RNF19A: variants seen among roughly 807,000 people sequenced by gnomAD.
The protein encoded by RNF19A is E3 ubiquitin-protein ligase RNF19A.
In RNF19A, 32 loss-of-function variants were observed where a neutral mutation model predicts 75.7. That is an observed-to-expected ratio of 0.42 (90% CI 0.32 to 0.57). The LOEUF (loss-of-function observed/expected upper bound fraction) is 0.57, where lower values mean the gene tolerates loss of function less well. RNF19A is among the 20% of genes least tolerant of loss of function. The pLI is 0.10. For missense variants in RNF19A, 782 were observed against 1,036.3 expected (o/e 0.75, Z 3.37); for synonymous variants, 335 against 345.2 (o/e 0.97, Z 0.33).
At chr8:100,262,492 G>C (rs1053410969) in intron 7 of RNF19A, among the ~76,000 whole-genome samples, 8 of 152,110 alleles carry the variant, frequency 5.3e-5, no homozygotes, top group Non-Finnish European at 1.5e-5. Flanking sequence ...GATAATGCTT[G>C]GCACCCTCAA....
At chr8:100,283,372 C>G (rs1353792396) in intron 2 of RNF19A, among the ~76,000 whole-genome samples, 1 of 152,138 alleles carries the variant, frequency 6.6e-6, no homozygotes, top group Non-Finnish European at 1.5e-5. Flanking sequence ...CACTGGGATC[C>G]CTCCCCCAAT....
intron 1 of RNF19A, among the ~76,000 whole-genome samples, chr8:100,299,185 C>CT (rs1413979114): frequency 6.6e-6 from 1 of 152,142 alleles, no homozygotes; most frequent in Non-Finnish European, 1.5e-5. Flanking sequence ...TATTCGAAAA[C>CT]TAAGGTGATT....
intron 5 of RNF19A, 143 bp downstream of exon 5, chr8:100,268,642 G>T (rs906581332): frequency 1.4e-5 from 6 of 419,180 alleles, no homozygotes; most frequent in African/African-American, 4.9e-5. Context: ...TGAAAAAAGA[G>T]TAACTGTTTT....
At position 100,286,781 on chromosome 8, in the gene RNF19A, T is replaced by C. The variant is rs1821041151; in HGVS notation, c.674+720A>G. Among the ~76,000 whole-genome samples the C allele has an allele frequency of 1.3e-5, 2 of 152,230 alleles. 1 individual carries two copies. The highest frequency in any genetic ancestry group is 1.3e-4 in the Admixed American group (2 of 15,286). ...ATAGTATGCTACGTATCACATTAAT[T>C]GTTTGTGGCTTTTACTATTCCTGAA... On this transcript the variant is annotated intron_variant, in intron 2 of 9. Coordinates refer to ENST00000341084, the MANE Select transcript of RNF19A (RefSeq NM_183419.4).
In RNF19A at chr8:100,264,928, T is replaced by G; in HGVS notation, c.1192-143A>C. 1.6e-6 allele frequency: 1 copy of G among 617,632 alleles called. No individual in the cohort carries two copies. The highest frequency in any genetic ancestry group is 2.0e-5 in the South Asian group (1 of 50,570). 38.3% of individuals were successfully genotyped at this position (617,632 alleles called of 1,614,324 possible). On this transcript the variant is annotated intron_variant, in intron 5 of 9. Transcript: ENST00000341084. This position sits in a 1 kb window ranked among gnomAD's most constrained non-coding sequence, Gnocchi z 4.7. ...TCTTAGTTCAAGGTAAACCTACTAG[T>G]GTCCTTAAACTATTATATATTCTCA...
At chr8:100,305,046 C>T (rs893592966) in intron 1 of RNF19A, among the ~76,000 whole-genome samples, 1 of 152,206 alleles carries the variant, frequency 6.6e-6, no homozygotes, top group African/African-American at 2.4e-5. Flanking sequence ...AGCAATTCTC[C>T]TGCCTCAGCC....
rs1819492363 is a variant in RNF19A, at chr8:100,257,096, T to C, written c.*1460A>G. The C allele has an allele frequency of 6.6e-6, 1 of 152,632 alleles. No homozygotes were observed. The highest frequency in any genetic ancestry group is 2.1e-4 in the South Asian group (1 of 4,830). The allele number at this position is 152,632 out of a possible 1,614,324, so 9.5% of individuals were successfully genotyped here. ...TTAGTATTTACATTTATTTAACGTA[T>C]GCAGTTTACACACTCATTATTAAAC... On this transcript the variant is annotated 3_prime_UTR_variant, in exon 10 of 10. Coordinates refer to ENST00000341084, the MANE Select transcript of RNF19A (RefSeq NM_183419.4).
intron 2 of RNF19A, among the ~76,000 whole-genome samples, chr8:100,278,850 C>T (rs963015822): frequency 6.6e-6 from 1 of 152,012 alleles, no homozygotes; most frequent in Non-Finnish European, 1.5e-5. Flanking sequence ...ACATCAACCT[C>T]GCCGTTTAAA....
At chr8:100,308,620 C>A (rs982919433) in intron 1 of RNF19A, among the ~76,000 whole-genome samples, 1 of 151,100 alleles carries the variant, frequency 6.6e-6, no homozygotes, top group Non-Finnish European at 1.5e-5. Flanking sequence ...CTTCAAACAA[C>A]CAAAACTCAA....
chr8:100,282,048 G>A lies in RNF19A; in HGVS notation c.674+5453C>T, dbSNP rs185202271. Among the ~76,000 whole-genome samples, 30 of 152,224 alleles carry A rather than the reference G, an allele frequency of 2.0e-4. 1 individual carries two copies. The East Asian group carries it at 4.6e-3, about 24-fold the overall frequency. ...CAGGAGAGGCCTTCAGTTGTTCTCA[G>A]GGCTACATGCCTGAGACTAGTTGGG... On this transcript the variant is annotated intron_variant, in intron 2 of 9. Coordinates refer to ENST00000341084, the MANE Select transcript of RNF19A (RefSeq NM_183419.4).
rs911457766 is a variant in RNF19A at position 100,329,090 on chromosome 8, A to C, written c.-243+7018T>G. ...AGATCTGTCCTGGCTGCTACCCTTT[A>C]ATTTGATATAGGAGAGGGAGAGGGG... On this transcript the variant is annotated intron_variant, in intron 1 of 3. Coordinates refer to the RNF19A transcript ENST00000519527. The surrounding 1 kb of genome is among the most constrained non-coding windows in gnomAD (Gnocchi z 4.3). Among the ~76,000 whole-genome samples, 2 of 152,038 alleles carry C rather than the reference A, an allele frequency of 1.3e-5. No individual in the cohort carries two copies. The highest frequency in any genetic ancestry group is 4.8e-5 in the African/African-American group (2 of 41,364).
rs539373582 is a variant in RNF19A, at chr8:100,261,017, G to A, written c.1682+525C>T. ...TGTCTACTGAAGCAGCTGTAGCAAC[G>A]ATTTATAATATAAAATGTGACAAGG... On this transcript the variant is annotated intron_variant, in intron 8 of 9. Transcript: ENST00000341084. This position sits in a 1 kb window ranked among gnomAD's most constrained non-coding sequence, Gnocchi z 4.4. Among the ~76,000 whole-genome samples, 2 of 152,178 alleles carry A rather than the reference G, an allele frequency of 1.3e-5. No homozygotes were observed. The highest frequency in any genetic ancestry group is 2.4e-5 in the African/African-American group (1 of 41,512).
Position 100,287,431 on chromosome 8 carries a change from A to C in RNF19A, c.674+70T>G. The C allele has an allele frequency of 6.8e-7, 1 of 1,480,946 alleles. No individual in the cohort carries two copies. The highest frequency in any genetic ancestry group is 9.1e-7 in the Non-Finnish European group (1 of 1,104,686). 91.7% of individuals were successfully genotyped at this position (1,480,946 alleles called of 1,614,324 possible). On this transcript the variant is annotated intron_variant, in intron 2 of 9. Coordinates refer to ENST00000341084, the MANE Select transcript of RNF19A (RefSeq NM_183419.4). This position sits in a 1 kb window ranked among gnomAD's most constrained non-coding sequence, Gnocchi z 4.1. The stretch of plus-strand genomic sequence containing the variant: ...CCAGCATGTAAAAATTTTTCTTTTG[A>C]GTAATAGCAAATTATTTTATCCACA...
chr8:100,290,265 C>T (rs1821227747), intron 1 of RNF19A, among the ~76,000 whole-genome samples: 2 of 152,086 alleles, frequency 1.3e-5, no homozygotes, highest in Admixed American at 6.5e-5. Flanking sequence ...ACCATGCTGG[C>T]TAATTTTTGT....
At position 100,260,417 on chromosome 8, in the gene RNF19A, TGC is replaced by T. The variant is rs1380275806; in HGVS notation, c.1683-422_1683-421del. Among the ~76,000 whole-genome samples the T allele has an allele frequency of 6.6e-6, 1 of 152,154 alleles. No individual in the cohort carries two copies. Among genetic ancestry groups the T allele is most frequent in the African/African-American group, 2.4e-5 (1 of 41,440 alleles). ...AAAAAATGACTCTATAAATAACACC[TGC>T]CTTTTAATACTTTATTTATTTATAT... is the stretch of plus-strand genomic sequence containing the variant. On this transcript the variant is annotated intron_variant, in intron 8 of 9. Transcript: ENST00000341084. This position sits in a 1 kb window ranked among gnomAD's most constrained non-coding sequence, Gnocchi z 4.1.
chr8:100,267,999 T>C (rs756165755), intron 5 of RNF19A, among the ~76,000 whole-genome samples: 7 of 152,072 alleles, frequency 4.6e-5, no homozygotes, highest in Non-Finnish European at 7.4e-5. Context: ...TTTTTGAAAA[T>C]TGCTATCCTT....
chr8:100,279,511 T>C (rs1228556926), intron 2 of RNF19A, among the ~76,000 whole-genome samples: 1 of 152,054 alleles, frequency 6.6e-6, no homozygotes. Context: ...GTAACTGAGA[T>C]TACAAGCGTG....
rs527877694 is a variant in RNF19A at position 100,330,215 on chromosome 8, G to A, written c.-243+5893C>T. On this transcript the variant is annotated intron_variant, in intron 1 of 3. Transcript: ENST00000519527. This position sits in a 1 kb window ranked among gnomAD's most constrained non-coding sequence, Gnocchi z 4.1. Reference sequence around the variant, plus strand: ...CATCTTAACTTTTTCTCTCTCCAAAGCCTCTTTCTAATTTTTGTTAAGGAA... The same window carrying A: ...CATCTTAACTTTTTCTCTCTCCAAAACCTCTTTCTAATTTTTGTTAAGGAA... Among the ~76,000 whole-genome samples the A allele has an allele frequency of 1.3e-5, 2 of 152,068 alleles. No homozygotes were observed. The highest frequency in any genetic ancestry group is 2.9e-5 in the Non-Finnish European group (2 of 68,010).
chr8:100,289,046 C>T (rs571184792), intron 1 of RNF19A, among the ~76,000 whole-genome samples: 12 of 128,172 alleles, frequency 9.4e-5, no homozygotes, highest in African/African-American at 1.3e-4. Flanking sequence ...AGCAACAGTG[C>T]GAGACTCCAT....
Sources: gnomAD v4.1 joint callset for allele counts (sites outside exome capture counted in the v4.1 genomes callset) on GRCh38, gnomAD v4.1.1 for gene constraint, Gnocchi (gnomAD v3.1) non-coding constraint, MANE v1.5 for transcripts, NCBI Gene and HGNC (gene_info 2026-07-23, HGNC 2026-07-21) for gene names.